IL1RAPL2: variants seen among roughly 807,000 people sequenced by gnomAD.
IL1RAPL2 encodes interleukin 1 receptor accessory protein like 2.
Under a neutral mutation model 44.1 loss-of-function variants are expected in IL1RAPL2, and 3 were observed. The ratio of observed to expected loss-of-function variants is 0.07; its 90% CI spans 0.03 to 0.18. IL1RAPL2 has a LOEUF of 0.18. Among genes scored for constraint, IL1RAPL2 ranks in the 10% least tolerant of loss-of-function variants. IL1RAPL2 has a pLI of 1.00. For synonymous variants in IL1RAPL2, 181 were observed against 178.8 expected, an observed-to-expected ratio of 1.01 and a Z score of -0.10; for missense variants, 391 against 496.4, an observed-to-expected ratio of 0.79 and a Z score of 2.02.
chrX:105,634,271 A>G (rs1018487047), intron 6 of IL1RAPL2, among the ~76,000 whole-genome samples: 4 of 110,875 alleles, frequency 3.6e-5, no homozygotes, highest in Non-Finnish European at 1.9e-5. Context: ...CAGGCCTACA[A>G]TTGCTCTCAT....
chrX:105,293,066 C>G (rs1318645179), intron 5 of IL1RAPL2, among the ~76,000 whole-genome samples: 2 of 95,585 alleles, frequency 2.1e-5, no homozygotes, highest in Non-Finnish European at 4.0e-5. Context: ...TGCAGTAAGC[C>G]AAGATCATGC....
At chrX:105,253,562 T>C (rs1252063796) in intron 4 of IL1RAPL2, among the ~76,000 whole-genome samples, 1 of 111,758 alleles carries the variant, frequency 8.9e-6, no homozygotes, top group African/African-American at 3.2e-5. Context: ...TCTGTTTTTT[T>C]TTAACTTTTA....
intron 2 of IL1RAPL2, among the ~76,000 whole-genome samples, chrX:105,032,689 T>G (rs1228798590): frequency 3.6e-5 from 4 of 111,407 alleles, no homozygotes; most frequent in Non-Finnish European, 5.7e-5. Flanking sequence ...GTGCTGAAAA[T>G]AATGTATATT....
At chrX:104,903,822 G>A (rs1314363430) in intron 2 of IL1RAPL2, among the ~76,000 whole-genome samples, 3 of 111,041 alleles carry the variant, frequency 2.7e-5, no homozygotes, top group East Asian at 2.8e-4. Context: ...CAGGCAATCC[G>A]CCAGCCTCAG....
At chrX:104,902,770 C>T (rs1923857412) in intron 2 of IL1RAPL2, among the ~76,000 whole-genome samples, 1 of 111,235 alleles carries the variant, frequency 9.0e-6, no homozygotes, top group African/African-American at 3.3e-5. Flanking sequence ...ATATAAGGCC[C>T]AGTTTTAAAA....
intron 2 of IL1RAPL2, among the ~76,000 whole-genome samples, chrX:104,708,887 G>T (rs988248075): frequency 9.0e-6 from 1 of 110,787 alleles, no homozygotes; most frequent in Admixed American, 9.7e-5. Context: ...TTTCTGATTG[G>T]TAGGTGCTTG....
chrX:105,353,626 T>C (rs770681907), intron 5 of IL1RAPL2, among the ~76,000 whole-genome samples: 119 of 111,525 alleles, frequency 1.1e-3, no homozygotes, highest in African/African-American at 3.6e-3. Context: ...GGTTTGTGGA[T>C]CTCCTTGAAG....
At chrX:105,595,107 A>AT (rs1439981740) in intron 6 of IL1RAPL2, among the ~76,000 whole-genome samples, 1 of 112,249 alleles carries the variant, frequency 8.9e-6, no homozygotes, top group Non-Finnish European at 1.9e-5. Flanking sequence ...TTTTAACAAT[A>AT]GCACAGAGTT....
At chrX:104,717,781 G>A (rs748419113) in intron 2 of IL1RAPL2, among the ~76,000 whole-genome samples, 1 of 108,029 alleles carries the variant, frequency 9.3e-6, no homozygotes, top group East Asian at 3.0e-4. Context: ...ACAGTCCCCG[G>A]TGTGTGATGT....
chrX:105,055,628 T>C (rs1289837449), intron 2 of IL1RAPL2, among the ~76,000 whole-genome samples: 1 of 112,398 alleles, frequency 8.9e-6, no homozygotes, highest in South Asian at 3.6e-4. Flanking sequence ...GGCTATTTTA[T>C]GATTTAATAT....
chrX:105,696,946 A>AT (rs2038080752), intron 6 of IL1RAPL2, among the ~76,000 whole-genome samples: 2 of 111,609 alleles, frequency 1.8e-5, no homozygotes, highest in African/African-American at 6.5e-5. Flanking sequence ...CTGTAAAAGC[A>AT]TAGCACCCAC....
At chrX:105,022,353 C>A (rs1356784707) in intron 2 of IL1RAPL2, among the ~76,000 whole-genome samples, 1 of 111,014 alleles carries the variant, frequency 9.0e-6, no homozygotes, top group East Asian at 2.9e-4. Flanking sequence ...AAAGAAGAAT[C>A]AGATTGTATA....
At chrX:104,751,399 T>C (rs1040479282) in intron 2 of IL1RAPL2, among the ~76,000 whole-genome samples, 1 of 111,549 alleles carries the variant, frequency 9.0e-6, no homozygotes, top group Non-Finnish European at 1.9e-5. Flanking sequence ...GACTAAGTGC[T>C]AAGGAAATGA....
At chrX:104,919,116 G>C (rs886428553) in intron 2 of IL1RAPL2, among the ~76,000 whole-genome samples, 2 of 111,224 alleles carry the variant, frequency 1.8e-5, no homozygotes, top group African/African-American at 3.3e-5. Flanking sequence ...GAAAAAATAA[G>C]TTACAAAGGA....
chrX:105,703,583 AGT>A (rs2038138861), intron 6 of IL1RAPL2, among the ~76,000 whole-genome samples: 1 of 111,758 alleles, frequency 8.9e-6, no homozygotes, highest in South Asian at 3.7e-4. Context: ...GCCAACAGTC[AGT>A]GTGTGTTCTT....
intron 2 of IL1RAPL2, among the ~76,000 whole-genome samples, chrX:104,982,631 G>GA: frequency 9.1e-6 from 1 of 110,252 alleles, no homozygotes; most frequent in Non-Finnish European, 1.9e-5. Context: ...AAAACAAACA[G>GA]AAAAAAAATA....
At chrX:104,637,355 A>G (rs752405802) in intron 1 of IL1RAPL2, among the ~76,000 whole-genome samples, 2 of 111,572 alleles carry the variant, frequency 1.8e-5, no homozygotes, top group Non-Finnish European at 3.8e-5. Flanking sequence ...TTCCAGTACC[A>G]TCTTGAATAG....
chrX:105,618,882 C>T (rs1464747236), intron 6 of IL1RAPL2, among the ~76,000 whole-genome samples: 1 of 111,371 alleles, frequency 9.0e-6, no homozygotes, highest in African/African-American at 3.3e-5. Context: ...CAACAAAAGA[C>T]TTATTGTCCC....
intron 5 of IL1RAPL2, among the ~76,000 whole-genome samples, chrX:105,459,351 A>T (rs890666220): frequency 9.0e-6 from 1 of 111,432 alleles, no homozygotes; most frequent in Non-Finnish European, 1.9e-5. Context: ...TCATATGTAC[A>T]CATTTTTTAT....
Sources: gnomAD v4.1 joint callset for allele counts (sites outside exome capture counted in the v4.1 genomes callset) on GRCh38, gnomAD v4.1.1 for gene constraint, MANE v1.5 for transcripts, NCBI Gene and HGNC (gene_info 2026-07-23, HGNC 2026-07-21) for gene names.